Variants in ZMAT4 observed in about 807,000 individuals in gnomAD.
The protein encoded by ZMAT4 is zinc finger matrin-type 4, also known as zinc finger matrin-type protein 4.
In ZMAT4, 17 loss-of-function variants were observed where a neutral mutation model predicts 28.7. That is an observed-to-expected ratio of 0.59 (90% CI 0.41 to 0.89). The LOEUF (loss-of-function observed/expected upper bound fraction) is 0.89. Among genes scored for constraint, ZMAT4 ranks in the 40% least tolerant of loss-of-function variants. ZMAT4 has a pLI of 0.00. For missense variants in ZMAT4, 240 were observed against 283.8 expected (o/e 0.85, Z 1.11); for synonymous variants, 117 against 109.2 (o/e 1.07, Z -0.44).
At chr8:40,602,527 A>AATCACTAT (rs1449722082) in intron 5 of ZMAT4, among the ~76,000 whole-genome samples, 5 of 152,180 alleles carry the variant, frequency 3.3e-5, no homozygotes, top group African/African-American at 1.2e-4. Context: ...CATCCATGCC[A>AATCACTAT]ATCACTATAT....
At chr8:40,728,133 C>G (rs747507869) in intron 3 of ZMAT4, among the ~76,000 whole-genome samples, 1 of 152,128 alleles carries the variant, frequency 6.6e-6, no homozygotes, top group African/African-American at 2.4e-5. Context: ...AAGGGAAACA[C>G]ACGAAATTAT....
At chr8:40,743,076 G>A (rs1812081036) in intron 3 of ZMAT4, among the ~76,000 whole-genome samples, 1 of 151,986 alleles carries the variant, frequency 6.6e-6, no homozygotes, top group Non-Finnish European at 1.5e-5. Flanking sequence ...AAATTATCCA[G>A]GCATGGTGGC....
intron 1 of ZMAT4, among the ~76,000 whole-genome samples, chr8:40,866,202 A>G (rs553060880): frequency 7.9e-5 from 12 of 152,214 alleles, no homozygotes; most frequent in Admixed American, 2.6e-4. Context: ...CTGCAGCTGC[A>G]CTCCTTTGCT....
intron 4 of ZMAT4, among the ~76,000 whole-genome samples, chr8:40,688,895 G>T (rs1809537162): frequency 6.6e-6 from 1 of 152,182 alleles, no homozygotes; most frequent in Non-Finnish European, 1.5e-5. Context: ...CCCCACCTCT[G>T]GGAGAGGATG....
intron 2 of ZMAT4, among the ~76,000 whole-genome samples, chr8:40,803,927 A>C (rs1430724652): frequency 1.3e-5 from 2 of 152,212 alleles, no homozygotes; most frequent in East Asian, 3.9e-4. Context: ...CCATGAAAAG[A>C]CATGAAGGAA....
intron 5 of ZMAT4, among the ~76,000 whole-genome samples, chr8:40,589,221 T>C (rs1012879338): frequency 6.6e-6 from 1 of 152,186 alleles, no homozygotes; most frequent in South Asian, 2.1e-4. Context: ...GATACTATTG[T>C]TATACCGATT....
intron 3 of ZMAT4, among the ~76,000 whole-genome samples, chr8:40,713,083 A>T (rs996552728): frequency 1.3e-5 from 2 of 152,122 alleles, no homozygotes; most frequent in African/African-American, 4.8e-5. Context: ...AACTCTAATA[A>T]TTTTTAAAGT....
At chr8:40,679,060 A>G (rs899461834) in intron 4 of ZMAT4, among the ~76,000 whole-genome samples, 1 of 152,158 alleles carries the variant, frequency 6.6e-6, no homozygotes, top group Admixed American at 6.6e-5. Flanking sequence ...TTCAGAGTCT[A>G]TAAAATCAAT....
At chr8:40,630,275 A>T (rs1208941702) in intron 5 of ZMAT4, among the ~76,000 whole-genome samples, 1 of 152,208 alleles carries the variant, frequency 6.6e-6, no homozygotes, top group Admixed American at 6.5e-5. Flanking sequence ...TCTCCTGCCT[A>T]TAGACGTGTC....
chr8:40,792,859 T>C (rs1363243776), intron 2 of ZMAT4, among the ~76,000 whole-genome samples: 1 of 151,626 alleles, frequency 6.6e-6, no homozygotes, highest in East Asian at 1.9e-4. Context: ...CTGAAGAGGC[T>C]GCATCCTATA....
At position 40,674,931 on chromosome 8, in the gene ZMAT4, G is replaced by T; in HGVS notation, c.350C>A (p.Ala117Glu). The T allele has an allele frequency of 1.2e-6, 2 of 1,610,868 alleles. No homozygotes were observed. The highest frequency in any genetic ancestry group is 1.7e-6 in the Non-Finnish European group (2 of 1,178,806). Reference protein sequence around the residue: ...LGEKTPLKTTATPLSPLKPPR... With the variant: ...LGEKTPLKTTETPLSPLKPPR... ...GGGCTTAAGTGGGCTCAGGGGTGTT[G>T]CTGTGAAAGGAAACAACCAGAGAAC... The change falls in exon 5 of 7, where the codon GCA (alanine) becomes GAA (glutamate). Residue 117 changes from alanine to glutamate, a missense_variant and splice_region_variant. By Grantham distance (107) the Ala-to-Glu change is moderately radical (BLOSUM62 -1). Transcript: ENST00000297737.
rs553834496 is a variant in ZMAT4 at position 40,715,074 on chromosome 8, A to C, written c.193-17673T>G. ...AAAAAAAAAAAAAAAAGTGTGTGAA[A>C]TGTTAAAGGGGTCCAAGAAGACCTC... On this transcript the variant is annotated intron_variant, in intron 3 of 6. Coordinates refer to ENST00000297737, the MANE Select transcript of ZMAT4 (RefSeq NM_024645.3). Among the ~76,000 whole-genome samples the C allele has an allele frequency of 4.7e-3, 681 of 145,738 alleles. 2 individuals carry two copies. Among genetic ancestry groups the C allele is most frequent in the African/African-American group, 0.017 (653 of 38,006 alleles).
intron 3 of ZMAT4, among the ~76,000 whole-genome samples, chr8:40,742,556 G>T (rs1812053435): frequency 6.6e-6 from 1 of 152,018 alleles, no homozygotes; most frequent in Admixed American, 6.6e-5. Flanking sequence ...AGTGTTGAAG[G>T]ACTGAGATGC....
At position 40,606,272 on chromosome 8, in the gene ZMAT4, C is replaced by G. The variant is rs527687878; in HGVS notation, c.578-25011G>C. On this transcript the variant is annotated intron_variant, in intron 5 of 6. Coordinates refer to ENST00000297737, the MANE Select transcript of ZMAT4 (RefSeq NM_024645.3). ...TTTATTGTTTTATTGTTTTATAGGT[C>G]TTGTGAAATTTATGTTGTAAGGAGG... Among the ~76,000 whole-genome samples the G allele has an allele frequency of 3.0e-4, 45 of 152,076 alleles. No homozygotes were observed. The South Asian group carries it at 3.1e-3, about 11-fold the overall frequency.
At chr8:40,751,849 AG>A (rs1812465809) in intron 3 of ZMAT4, among the ~76,000 whole-genome samples, 1 of 152,200 alleles carries the variant, frequency 6.6e-6, no homozygotes, top group Non-Finnish European at 1.5e-5. Context: ...ATTGTTTCAA[AG>A]AAAAAGAATA....
intron 1 of ZMAT4, among the ~76,000 whole-genome samples, chr8:40,897,418 A>G (rs1818915031): frequency 6.6e-6 from 1 of 152,182 alleles, no homozygotes; most frequent in Non-Finnish European, 1.5e-5. Flanking sequence ...CCAGCCCTGC[A>G]GACACCCTAG....
rs1491026238 is a variant in ZMAT4, at chr8:40,862,599, AAG to A, written c.-5+35082_-5+35083del. Reference sequence around the variant, plus strand: ...AAAAAAAAATTAAAAAAAAAAAAAAAAGAAAATTTGGCACATATACACCATGG... The same window carrying A: ...AAAAAAAAATTAAAAAAAAAAAAAAAAAAATTTGGCACATATACACCATGG... On this transcript the variant is annotated intron_variant, in intron 1 of 6. Transcript: ENST00000297737. Among the ~76,000 whole-genome samples the A allele has an allele frequency of 5.1e-4, 66 of 130,152 alleles. 1 individual carries two copies. Among genetic ancestry groups the A allele is most frequent in the African/African-American group, 1.8e-3 (64 of 35,724 alleles). The allele number at this position is 130,152 out of a possible 152,430, so 85.4% of individuals were successfully genotyped here. A position where few individuals can be genotyped will look rare whatever the true frequency, so the allele number is the denominator to read the frequency against.
chr8:40,544,259 C>A (rs1339207066), intron 6 of ZMAT4, among the ~76,000 whole-genome samples: 2 of 152,094 alleles, frequency 1.3e-5, no homozygotes, highest in Admixed American at 6.6e-5. Context: ...CATGAAGGAA[C>A]CAAGACCTGA....
At chr8:40,881,433 G>GAGAAAGAAAGAAAGAAAGA (rs1818221623) in intron 1 of ZMAT4, among the ~76,000 whole-genome samples, 4 of 70,228 alleles carry the variant, frequency 5.7e-5, no homozygotes, top group African/African-American at 2.4e-4. Context: ...AGAAGAAAGA[G>GAGAAAGAAAGAAAGAAAGA]AGAAAGAAAG....
Sources: allele counts gnomAD v4.1 joint callset (sites outside exome capture counted in the v4.1 genomes callset), GRCh38; gene constraint gnomAD v4.1.1; transcripts MANE v1.5; gene names NCBI Gene and HGNC (gene_info 2026-07-23, HGNC 2026-07-21).